GPATCH2: variants seen among roughly 807,000 people sequenced by gnomAD.
GPATCH2 encodes G-patch domain containing 2.
GPATCH2 carries 51 observed loss-of-function variants against 58.0 expected under a neutral mutation model. The ratio of observed to expected loss-of-function variants is 0.88; its 90% CI spans 0.70 to 1.11. The LOEUF (loss-of-function observed/expected upper bound fraction) is 1.11, where lower values mean the gene tolerates loss of function less well. Ranked by LOEUF, GPATCH2 falls within the 50% of genes most tolerant of loss-of-function variation. The pLI is 0.00. For missense variants in GPATCH2, 625 were observed against 652.2 expected, an observed-to-expected ratio of 0.96 and a Z score of 0.45; for synonymous variants, 222 against 218.5, an observed-to-expected ratio of 1.02 and a Z score of -0.14.
At chr1:217,576,872 G>T (rs1239849257) in intron 5 of GPATCH2, among the ~76,000 whole-genome samples, 1 of 152,122 alleles carries the variant, frequency 6.6e-6, no homozygotes, top group South Asian at 2.1e-4. Flanking sequence ...AATGCGAAGG[G>T]GATAAGGATT....
At position 217,524,866 on chromosome 1, in the gene GPATCH2, AGAG is replaced by A. The variant is rs1558458033; in HGVS notation, c.1099-9980_1099-9978del. ...GGAGACCGGGGAGAGGGGAGAGGGG[AGAG>A]GGGAGAGGGGGGAGGGGGGAGGGGG... On this transcript the variant is annotated intron_variant, in intron 5 of 9. Coordinates refer to ENST00000366935, the MANE Select transcript of GPATCH2 (RefSeq NM_018040.5). 5.3e-3 allele frequency among the ~76,000 whole-genome samples: 22 copies of A among 4,130 alleles called. 1 individual carries two copies. Among genetic ancestry groups the A allele is most frequent in the African/African-American group, 8.0e-3 (12 of 1,494 alleles). The allele number at this position is 4,130 out of a possible 152,430, so 2.7% of individuals were successfully genotyped here.
intron 9 of GPATCH2, among the ~76,000 whole-genome samples, chr1:217,433,017 TA>T (rs1658618406): frequency 6.6e-6 from 1 of 152,112 alleles, no homozygotes; most frequent in African/African-American, 2.4e-5. Context: ...GCTGTTGACA[TA>T]ACCACTTACT....
At chr1:217,512,352 T>C (rs930990734) in intron 6 of GPATCH2, among the ~76,000 whole-genome samples, 1 of 152,002 alleles carries the variant, frequency 6.6e-6, no homozygotes, top group Non-Finnish European at 1.5e-5. Context: ...TAAAACAAAA[T>C]ATAATCTGAA....
chr1:217,514,592 G>C (rs994386906), intron 6 of GPATCH2, among the ~76,000 whole-genome samples: 18 of 152,162 alleles, frequency 1.2e-4, no homozygotes, highest in African/African-American at 4.3e-4. Flanking sequence ...AATAATGCAT[G>C]AATTTCAAAT....
intron 5 of GPATCH2, among the ~76,000 whole-genome samples, chr1:217,525,378 T>A (rs539043201): frequency 6.6e-6 from 1 of 152,286 alleles, no homozygotes; most frequent in East Asian, 1.9e-4. Flanking sequence ...TGCCAAGGAA[T>A]TTGTTTATAA....
At chr1:217,572,463 T>C (rs1168497247) in intron 5 of GPATCH2, among the ~76,000 whole-genome samples, 1 of 152,206 alleles carries the variant, frequency 6.6e-6, no homozygotes, top group Non-Finnish European at 1.5e-5. Flanking sequence ...TAAAAATGTA[T>C]TATCTAGTTT....
At chr1:217,612,538 A>T (rs917822865) in intron 3 of GPATCH2, among the ~76,000 whole-genome samples, 33 of 152,116 alleles carry the variant, frequency 2.2e-4, no homozygotes, top group African/African-American at 8.0e-4. Flanking sequence ...AATTAAAAAA[A>T]TTTTTCAAAA....
intron 5 of GPATCH2, among the ~76,000 whole-genome samples, chr1:217,584,344 A>AAAAAAAAAAAAAATATATAT (rs1463910405): frequency 0.011 from 1,112 of 100,018 alleles, 7 homozygotes; most frequent in Admixed American, 0.017. Context: ...AAAAAAAAAA[A>AAAAAAAAAAAAAATATATAT]ATATATATAT....
At chr1:217,591,073 G>GTC (rs1667568184) in intron 5 of GPATCH2, among the ~76,000 whole-genome samples, 1 of 152,042 alleles carries the variant, frequency 6.6e-6, no homozygotes, top group Non-Finnish European at 1.5e-5. Context: ...ACTCAAAAGG[G>GTC]TCACCAAGAT....
chr1:217,549,239 C>T (rs911460611), intron 5 of GPATCH2, among the ~76,000 whole-genome samples: 8 of 152,122 alleles, frequency 5.3e-5, no homozygotes, highest in African/African-American at 1.9e-4. Flanking sequence ...TTTAATTAAT[C>T]TCAATTAATG....
intron 2 of GPATCH2, among the ~76,000 whole-genome samples, chr1:217,617,014 A>G (rs1459835309): frequency 4.5e-5 from 2 of 44,810 alleles, no homozygotes; most frequent in Non-Finnish European, 8.2e-5. Flanking sequence ...ATTGGAGGTC[A>G]AAGATAAACA....
At chr1:217,619,743 G>C in intron 2 of GPATCH2, 40 bp downstream of exon 2, 1 of 754,326 alleles carries the variant, frequency 1.3e-6, no homozygotes, top group Non-Finnish European at 2.1e-6. Flanking sequence ...CACAAACACT[G>C]GAGATAAATA....
At chr1:217,552,787 T>C (rs1473007383) in intron 5 of GPATCH2, among the ~76,000 whole-genome samples, 1 of 152,072 alleles carries the variant, frequency 6.6e-6, no homozygotes, top group Non-Finnish European at 1.5e-5. Context: ...GACACTGAAA[T>C]GCAAAAAAAT....
chr1:217,553,358 T>C (rs1227207735), intron 5 of GPATCH2, among the ~76,000 whole-genome samples: 1 of 152,104 alleles, frequency 6.6e-6, no homozygotes, highest in East Asian at 1.9e-4. Flanking sequence ...TTTAAAAAAT[T>C]TGGTATACAT....
At chr1:217,569,177 C>A (rs115945052) in intron 5 of GPATCH2, among the ~76,000 whole-genome samples, 1 of 150,408 alleles carries the variant, frequency 6.6e-6, no homozygotes. Flanking sequence ...GTACAGATGA[C>A]GAAATGGGAG....
intron 5 of GPATCH2, among the ~76,000 whole-genome samples, chr1:217,532,860 A>AAAGTTGTG (rs951060781): frequency 1.3e-5 from 2 of 151,548 alleles, no homozygotes; most frequent in African/African-American, 4.8e-5. Flanking sequence ...TTAATTGTAA[A>AAAGTTGTG]AAGTTGTGCT....
intron 5 of GPATCH2, among the ~76,000 whole-genome samples, chr1:217,590,572 G>T (rs543565506): frequency 1.3e-5 from 2 of 152,286 alleles, no homozygotes; most frequent in Non-Finnish European, 1.5e-5. Flanking sequence ...AGGAGTATTT[G>T]ACCAATCAAT....
intron 5 of GPATCH2, among the ~76,000 whole-genome samples, chr1:217,558,097 G>A (rs1374724013): frequency 1.3e-5 from 2 of 151,956 alleles, no homozygotes; most frequent in East Asian, 3.9e-4. Context: ...TCATATTATT[G>A]TAGAAAAACC....
intron 7 of GPATCH2, among the ~76,000 whole-genome samples, chr1:217,493,859 T>C (rs1341864416): frequency 6.6e-6 from 1 of 152,156 alleles, no homozygotes; most frequent in Non-Finnish European, 1.5e-5. Context: ...AATTATGTTT[T>C]CTAATTCTAA....
Sources: allele counts gnomAD v4.1 joint callset (sites outside exome capture counted in the v4.1 genomes callset), GRCh38; gene constraint gnomAD v4.1.1; transcripts MANE v1.5; gene names NCBI Gene and HGNC (gene_info 2026-07-23, HGNC 2026-07-21).